Variants in CCSER1 observed in about 807,000 individuals in gnomAD.
CCSER1 encodes the protein serine-rich coiled-coil domain-containing protein 1.
In CCSER1, 41 loss-of-function variants were observed where a neutral mutation model predicts 82.0. That is an observed-to-expected ratio of 0.50 (90% CI 0.39 to 0.65). The LOEUF (loss-of-function observed/expected upper bound fraction) is 0.65. CCSER1 is among the 30% of genes least tolerant of loss of function. The probability of loss-of-function intolerance (pLI) is 0.00; values close to 1 mark genes in which losing one functional copy is unlikely to be tolerated. For synonymous variants in CCSER1, 414 were observed against 383.9 expected (o/e 1.08, Z -0.92); for missense variants, 1,119 against 1,064.2 (o/e 1.05, Z -0.72).
intron 8 of CCSER1, among the ~76,000 whole-genome samples, chr4:90,919,281 G>A (rs1728031005): frequency 6.6e-6 from 1 of 151,786 alleles, no homozygotes; most frequent in South Asian, 2.1e-4. Context: ...CTTTTTAAAA[G>A]AGTTATAGTA....
At chr4:90,255,886 C>T (rs1451235144) in intron 1 of CCSER1, among the ~76,000 whole-genome samples, 2 of 152,068 alleles carry the variant, frequency 1.3e-5, no homozygotes, top group Non-Finnish European at 2.9e-5. Context: ...TAGGTAGGAA[C>T]TTGTCATTCA....
intron 5 of CCSER1, among the ~76,000 whole-genome samples, chr4:90,533,244 A>T (rs1050627971): frequency 2.6e-5 from 4 of 151,510 alleles, no homozygotes; most frequent in African/African-American, 9.7e-5. Flanking sequence ...GGCGCCTGCC[A>T]CCACGCCTGG....
At chr4:91,403,177 C>G (rs1752456111) in intron 10 of CCSER1, among the ~76,000 whole-genome samples, 1 of 152,062 alleles carries the variant, frequency 6.6e-6, no homozygotes, top group Non-Finnish European at 1.5e-5. Context: ...GGAGTTCACT[C>G]ATGGTTTGGA....
At chr4:90,442,900 G>T (rs1418599881) in intron 4 of CCSER1, among the ~76,000 whole-genome samples, 1 of 152,044 alleles carries the variant, frequency 6.6e-6, no homozygotes, top group Admixed American at 6.6e-5. Flanking sequence ...GCTGCACAAG[G>T]TCTCAGTTCT....
chr4:91,056,942 T>G (rs79834812), intron 9 of CCSER1, among the ~76,000 whole-genome samples: 2,249 of 152,202 alleles, frequency 0.015, 59 homozygotes, highest in African/African-American at 0.052. Context: ...AAGACAAAAA[T>G]GAAGGGTGGA....
intron 10 of CCSER1, among the ~76,000 whole-genome samples, chr4:91,509,952 C>T (rs978931799): frequency 2.0e-5 from 3 of 152,022 alleles, no homozygotes; most frequent in Non-Finnish European, 2.9e-5. Flanking sequence ...ATCCTGTCAC[C>T]GAGGTACTAA....
intron 10 of CCSER1, among the ~76,000 whole-genome samples, chr4:91,526,321 A>G (rs1560738757): frequency 6.6e-6 from 1 of 152,158 alleles, no homozygotes; most frequent in Non-Finnish European, 1.5e-5. Flanking sequence ...ATCTACCTAC[A>G]AGCTGGAAGC....
chr4:90,271,504 G>T (rs1220665755), intron 1 of CCSER1, among the ~76,000 whole-genome samples: 1 of 151,922 alleles, frequency 6.6e-6, no homozygotes, highest in African/African-American at 2.4e-5. Context: ...GTGGGTTAAA[G>T]ACTTAAATCT....
chr4:90,922,759 G>A (rs1398365868), intron 8 of CCSER1, among the ~76,000 whole-genome samples: 1 of 152,028 alleles, frequency 6.6e-6, no homozygotes, highest in African/African-American at 2.4e-5. Flanking sequence ...GAGAAGGGAA[G>A]GTCCCAGAAA....
rs534387688 is a variant in CCSER1, at chr4:90,307,037, T to C, written c.-41-1207T>C. Among the ~76,000 whole-genome samples the C allele has an allele frequency of 3.9e-5, 6 of 152,298 alleles. No individual in the cohort carries two copies. The South Asian group carries it at 1.2e-3, about 32-fold the overall frequency. On this transcript the variant is annotated intron_variant, in intron 1 of 10. Coordinates refer to ENST00000509176, the MANE Select transcript of CCSER1 (RefSeq NM_001145065.2). ...TCATGCTGATTATGAGCTGACCCTG[T>C]AGGGTTTTTTATTCCTGCTTTACCA...
At chr4:90,218,940 T>G (rs1741620775) in intron 1 of CCSER1, among the ~76,000 whole-genome samples, 1 of 152,192 alleles carries the variant, frequency 6.6e-6, no homozygotes, top group Non-Finnish European at 1.5e-5. Context: ...GGGGTTATAC[T>G]ATTGAGATTT....
At chr4:90,133,529 T>G (rs1723150441) in intron 1 of CCSER1, among the ~76,000 whole-genome samples, 1 of 152,202 alleles carries the variant, frequency 6.6e-6, no homozygotes. Context: ...ATATCACACA[T>G]GAAATATTCT....
chr4:90,421,163 C>A (rs1203717201), intron 4 of CCSER1, among the ~76,000 whole-genome samples: 1 of 152,160 alleles, frequency 6.6e-6, no homozygotes, highest in East Asian at 1.9e-4. Context: ...AAGATTCACA[C>A]AATTACAACA....
At chr4:91,541,079 A>C in intron 10 of CCSER1, among the ~76,000 whole-genome samples, 1 of 152,202 alleles carries the variant, frequency 6.6e-6, no homozygotes, top group Admixed American at 6.6e-5. Context: ...TTGGCAAAAT[A>C]GCTTACTGTT....
intron 10 of CCSER1, among the ~76,000 whole-genome samples, chr4:91,491,052 C>A (rs1758514721): frequency 6.7e-6 from 1 of 149,668 alleles, no homozygotes; most frequent in Non-Finnish European, 1.5e-5. Context: ...TTCACGTGAA[C>A]CCTCTGAAGC....
intron 3 of CCSER1, 158 bp downstream of exon 3, chr4:90,313,205 T>A: frequency 1.6e-6 from 1 of 626,198 alleles, no homozygotes; most frequent in Admixed American, 2.8e-5. Flanking sequence ...GAGAAACAAA[T>A]TTTTCACCTA....
At chr4:90,811,664 T>C (rs1479730532) in intron 7 of CCSER1, among the ~76,000 whole-genome samples, 1 of 152,142 alleles carries the variant, frequency 6.6e-6, no homozygotes, top group African/African-American at 2.4e-5. Context: ...GATGGCTTCC[T>C]GATTATTAAT....
At chr4:91,344,615 C>A (rs1219154743) in intron 10 of CCSER1, among the ~76,000 whole-genome samples, 1 of 150,228 alleles carries the variant, frequency 6.7e-6, no homozygotes, top group African/African-American at 2.5e-5. Flanking sequence ...TTTTTGGTAG[C>A]TTTTTAACCT....
chr4:90,172,033 C>T (rs150849221), intron 1 of CCSER1, among the ~76,000 whole-genome samples: 4 of 151,852 alleles, frequency 2.6e-5, no homozygotes, highest in South Asian at 2.1e-4. Flanking sequence ...GATAATTGCC[C>T]AGGTTCTGTA....
Sources: gnomAD v4.1 joint callset for allele counts (sites outside exome capture counted in the v4.1 genomes callset) on GRCh38, gnomAD v4.1.1 for gene constraint, MANE v1.5 for transcripts, NCBI Gene and HGNC (gene_info 2026-07-23, HGNC 2026-07-21) for gene names.